MYO9B: variants seen among roughly 807,000 people sequenced by gnomAD.
MYO9B encodes unconventional myosin-IXb.
In MYO9B, 71 loss-of-function variants were observed where a neutral mutation model predicts 229.5. That is an observed-to-expected ratio of 0.31 (90% CI 0.26 to 0.38). The LOEUF is 0.38. MYO9B is among the 10% of genes least tolerant of loss of function. The pLI is 1.00. For synonymous variants in MYO9B, 1,185 were observed against 1,235.8 expected (o/e 0.96, Z 0.86); for missense variants, 2,255 against 2,920.5 (o/e 0.77, Z 5.25).
chr19:17,193,059 A>G lies in MYO9B; in HGVS notation c.3125A>G (p.Lys1042Arg). The G allele has an allele frequency of 6.9e-7, 1 of 1,450,286 alleles. No homozygotes were observed. The highest frequency in any genetic ancestry group is 1.4e-5 in the South Asian group (1 of 69,978). The allele number at this position is 1,450,286 out of a possible 1,614,324, so 89.8% of individuals were successfully genotyped here. Residue 1042 changes from lysine to arginine, a missense_variant, in exon 21 of 40, where the codon AAG (lysine) becomes AGG (arginine). By Grantham distance (26) the Lys-to-Arg change is conservative. Around this residue, in one of 7 missense-constraint regions of MYO9B, gnomAD observed 679 missense variants for 770.2 expected, o/e 0.88. Transcript: ENST00000682292. The surrounding 1 kb of genome is among the most constrained non-coding windows in gnomAD (Gnocchi z 4.3). ...CTGTGTCGGGGGCACCTGCAGCGCA[A>G]GAGGTGAGCAGAGCCGGGCCACGCT... is the stretch of plus-strand genomic sequence containing the variant. ...QSLCRGHLQRKSFSQMISEKQ... is the reference protein window; with the variant it reads ...QSLCRGHLQRRSFSQMISEKQ...
At position 17,172,249 on chromosome 19, in the gene MYO9B, C is replaced by T. The variant is rs1472952076; in HGVS notation, c.1794-87C>T. 5 of 1,524,172 alleles carry T rather than the reference C, an allele frequency of 3.3e-6. No homozygotes were observed. The African/African-American group carries it at 5.4e-5, about 17-fold the overall frequency. The allele number at this position is 1,524,172 out of a possible 1,614,324, so 94.4% of individuals were successfully genotyped here. On this transcript the variant is annotated intron_variant, in intron 11 of 39. Transcript: ENST00000682292. The surrounding 1 kb of genome is among the most constrained non-coding windows in gnomAD (Gnocchi z 8.2). ...GCCCACCCCATGCACCCACCCACCT[C>T]GTGCACCAGGGGTCTGCAAGATAAA...
chr19:17,202,820 C>A (rs746051154), intron 28 of MYO9B, 22 bp from the exon 29 acceptor site: 1 of 1,579,990 alleles, frequency 6.3e-7, no homozygotes, highest in Non-Finnish European at 8.6e-7. Context: ...CCCCGCCAAC[C>A]TCCTCCTTGT....
chr19:17,188,308 AT>A (rs1168216897), intron 19 of MYO9B, among the ~76,000 whole-genome samples: 1 of 151,506 alleles, frequency 6.6e-6, no homozygotes, highest in Non-Finnish European at 1.5e-5. Flanking sequence ...AGCTGCCTGT[AT>A]TCCTAGCTAC....
At chr19:17,115,973 CAGAT>C (rs969666238) in intron 2 of MYO9B, among the ~76,000 whole-genome samples, 22 of 152,252 alleles carry the variant, frequency 1.4e-4, no homozygotes, top group South Asian at 8.3e-4. Context: ...AAGGAGGACA[CAGAT>C]AGAGATGTCC....
At chr19:17,087,223 G>A (rs1399419538) in intron 1 of MYO9B, among the ~76,000 whole-genome samples, 2 of 152,328 alleles carry the variant, frequency 1.3e-5, no homozygotes, top group African/African-American at 2.4e-5. Context: ...AGCACAGGTC[G>A]GAGAGCACTT....
At chr19:17,166,657 C>T (rs907795008) in intron 10 of MYO9B, among the ~76,000 whole-genome samples, 1 of 152,118 alleles carries the variant, frequency 6.6e-6, no homozygotes, top group Non-Finnish European at 1.5e-5. Context: ...TCCTCCCACC[C>T]TCCACCCTCC....
chr19:17,156,303 A>T (rs762539125), intron 6 of MYO9B, among the ~76,000 whole-genome samples: 1 of 151,746 alleles, frequency 6.6e-6, no homozygotes, highest in Non-Finnish European at 1.5e-5. Flanking sequence ...AGTCCCAGCT[A>T]CCTGAGAGGC....
At position 17,101,995 on chromosome 19, in the gene MYO9B, G is replaced by A. The variant is rs774209497; in HGVS notation, c.278G>A (p.Arg93Gln). ...SPVHRVLLWP[R>Q]RAQDEHPQED... ...GTGCACCGGGTGCTGCTATGGCCCC[G>A]GCGGGCACAGGACGAGCACCCTCAG... The change falls in exon 2 of 40, where the codon CGG becomes CAG. Residue 93 changes from arginine to glutamine, a missense_variant. By Grantham distance (43) the Arg-to-Gln change is conservative (BLOSUM62 1). Coordinates refer to ENST00000682292, the MANE Select transcript of MYO9B (RefSeq NM_004145.4). This position sits in a 1 kb window ranked among gnomAD's most constrained non-coding sequence, Gnocchi z 4.7. The A allele has an allele frequency of 1.5e-5, 24 of 1,612,844 alleles. No individual in the cohort carries two copies. The highest frequency in any genetic ancestry group is 3.3e-5 in the South Asian group (3 of 91,082).
In MYO9B at chr19:17,209,605, A is replaced by G. The variant is rs781719215; in HGVS notation, c.5644A>G (p.Lys1882Glu). Reference protein sequence around the residue: ...KITTCVEMLIKEQMRKYKVKM... With the variant: ...KITTCVEMLIEEQMRKYKVKM... ...CTGTAGGTGCGTGGAGATGCTGATCAAGGAGCAGATGAGGAAATACAAAGT... is the reference window on the plus strand; with the variant it reads ...CTGTAGGTGCGTGGAGATGCTGATCGAGGAGCAGATGAGGAAATACAAAGT... Residue 1882 changes from lysine to glutamate, a missense_variant, in exon 36 of 40, where the codon AAG becomes GAG. Lys to Glu is a moderately conservative substitution (Grantham distance 56, BLOSUM62 1). Coordinates refer to ENST00000682292, the MANE Select transcript of MYO9B (RefSeq NM_004145.4). The G allele has an allele frequency of 6.3e-7, 1 of 1,599,250 alleles. No homozygotes were observed. Among genetic ancestry groups the G allele is most frequent in the Non-Finnish European group, 8.5e-7 (1 of 1,173,024 alleles).
At chr19:17,154,699 C>T (rs11878185) in intron 6 of MYO9B, among the ~76,000 whole-genome samples, 2,634 of 152,272 alleles carry the variant, frequency 0.017, 85 homozygotes, top group African/African-American at 0.058. Flanking sequence ...GGCTCACTCA[C>T]GCCTGTAATC....
chr19:17,161,651 A>G (rs1249865332), intron 8 of MYO9B, among the ~76,000 whole-genome samples: 1 of 151,990 alleles, frequency 6.6e-6, no homozygotes, highest in East Asian at 1.9e-4. Flanking sequence ...CCCCGTTTCT[A>G]CTAAAAATAC....
At chr19:17,181,105 C>T (rs540004334) in intron 15 of MYO9B, 65 bp downstream of exon 15, 24 of 1,168,904 alleles carry the variant, frequency 2.1e-5, no homozygotes, top group South Asian at 2.8e-5. Flanking sequence ...CCTGCGACCC[C>T]GGCGGGGCCT....
intron 2 of MYO9B, among the ~76,000 whole-genome samples, chr19:17,120,849 A>G (rs1484310855): frequency 2.0e-5 from 3 of 152,204 alleles, no homozygotes; most frequent in South Asian, 2.1e-4. Flanking sequence ...ATGGTGGCAC[A>G]TGCCTGTAGT....
rs919820927 is a variant in MYO9B, at chr19:17,188,006, C to T, written c.2649C>T (p.Arg883=). The change falls in exon 19 of 40, where the codon CGC becomes CGT. Residue 883 remains arginine, a synonymous_variant. Coordinates refer to ENST00000682292, the MANE Select transcript of MYO9B (RefSeq NM_004145.4). The part of the protein sequence containing the change: ...LRYTGMLETV[R]IRRSGYSAKY... ...ACACCGGCATGCTGGAGACCGTGCG[C>T]ATCCGGAGGTCAGGGTACAGCGCCA... 3 of 1,601,540 alleles carry T rather than the reference C, an allele frequency of 1.9e-6. No individual in the cohort carries two copies. Among genetic ancestry groups the T allele is most frequent in the African/African-American group, 1.3e-5 (1 of 74,820 alleles).
chr19:17,082,751 T>C (rs1421920581), intron 1 of MYO9B, among the ~76,000 whole-genome samples: 1 of 152,092 alleles, frequency 6.6e-6, no homozygotes, highest in East Asian at 1.9e-4. Context: ...ATCGTACTTA[T>C]TTGGCCCATA....
intron 13 of MYO9B, among the ~76,000 whole-genome samples, chr19:17,173,335 C>G (rs1442896548): frequency 3.0e-5 from 4 of 134,392 alleles, no homozygotes; most frequent in Non-Finnish European, 6.2e-5. Context: ...CTCTCTCTCT[C>G]TCTCTCTTGC....
chr19:17,156,272 GGCA>G (rs1256703863), intron 6 of MYO9B, among the ~76,000 whole-genome samples: 7 of 152,014 alleles, frequency 4.6e-5, no homozygotes, highest in Admixed American at 6.6e-5. Flanking sequence ...TCACTAGCCA[GGCA>G]TGGTGGTACA....
intron 2 of MYO9B, among the ~76,000 whole-genome samples, chr19:17,134,381 G>GTTTTTTTTTTTTTTTT (rs869297825): frequency 4.3e-5 from 2 of 46,474 alleles, no homozygotes; most frequent in Non-Finnish European, 7.6e-5. Context: ...CGTTTTGTTT[G>GTTTTTTTTTTTTTTTT]TTTTTTTTTT....
chr19:17,111,014 C>G (rs1375458064), intron 2 of MYO9B, among the ~76,000 whole-genome samples: 1 of 152,174 alleles, frequency 6.6e-6, no homozygotes, highest in East Asian at 1.9e-4. Flanking sequence ...TCTGTTCCCC[C>G]ACCCACAGTC....
Sources: gnomAD v4.1 joint callset for allele counts (sites outside exome capture counted in the v4.1 genomes callset) on GRCh38, gnomAD v4.1.1 for gene constraint, gnomAD v4.1.1 regional missense constraint, Gnocchi (gnomAD v3.1) non-coding constraint, MANE v1.5 for transcripts, NCBI Gene and HGNC (gene_info 2026-07-23, HGNC 2026-07-21) for gene names.